MTUS2: variants seen among roughly 807,000 people sequenced by gnomAD.
The protein encoded by MTUS2 is microtubule-associated tumor suppressor candidate 2.
MTUS2 carries 40 observed loss-of-function variants against 114.1 expected under a neutral mutation model. That is an observed-to-expected ratio of 0.35 (90% CI 0.27 to 0.46). MTUS2 has a LOEUF of 0.46. Ranked by LOEUF, MTUS2 falls within the 20% of genes least tolerant of loss-of-function variation. MTUS2 has a pLI of 1.00. For synonymous variants in MTUS2, 688 were observed against 672.0 expected, an observed-to-expected ratio of 1.02 and a Z score of -0.37; for missense variants, 1,679 against 1,705.4, an observed-to-expected ratio of 0.98 and a Z score of 0.27.
At chr13:29,021,960 A>G (rs1292605631) in intron 2 of MTUS2, among the ~76,000 whole-genome samples, 2 of 152,122 alleles carry the variant, frequency 1.3e-5, no homozygotes, top group Admixed American at 6.6e-5. Context: ...TAGAAGATGG[A>G]GAAGGAGAAA....
chr13:29,129,047 T>C (rs1341782074), intron 5 of MTUS2, among the ~76,000 whole-genome samples: 1 of 152,262 alleles, frequency 6.6e-6, no homozygotes. Flanking sequence ...AGAACATTTC[T>C]TTAGATTTCT....
chr13:29,255,519 A>G (rs898456212), intron 5 of MTUS2, among the ~76,000 whole-genome samples: 2 of 152,112 alleles, frequency 1.3e-5, no homozygotes, highest in Non-Finnish European at 2.9e-5. Context: ...AAATAAAATC[A>G]AAGACTAAGT....
intron 10 of MTUS2, among the ~76,000 whole-genome samples, chr13:29,481,232 G>A (rs893318474): frequency 1.1e-4 from 17 of 152,174 alleles, no homozygotes; most frequent in African/African-American, 4.1e-4. Flanking sequence ...ACTAACCAGA[G>A]GATAATTCCC....
At chr13:29,428,619 C>CCCCCCAA in intron 8 of MTUS2, 1 of 477,888 alleles carries the variant, frequency 2.1e-6, no homozygotes, top group Non-Finnish European at 2.9e-6. Flanking sequence ...CTCCCTCCCG[C>CCCCCCAA]AGCAGCAAGA....
intron 5 of MTUS2, among the ~76,000 whole-genome samples, chr13:29,165,346 A>T (rs927446520): frequency 1.3e-5 from 2 of 152,056 alleles, no homozygotes; most frequent in East Asian, 3.9e-4. Context: ...ATCTCACCAC[A>T]CGTAACACCC....
intron 5 of MTUS2, among the ~76,000 whole-genome samples, chr13:29,121,380 G>A (rs1891298898): frequency 6.6e-6 from 1 of 151,862 alleles, no homozygotes; most frequent in South Asian, 2.1e-4. Flanking sequence ...ACTTTATATT[G>A]CTTAAGAAAA....
At chr13:29,374,210 T>A (rs377666696) in intron 8 of MTUS2, among the ~76,000 whole-genome samples, 2,323 of 148,396 alleles carry the variant, frequency 0.016, 64 homozygotes, top group African/African-American at 0.054. Context: ...CAGACAATTT[T>A]AAAAAGGTCT....
chr13:28,922,875 G>A (rs1052474963), intron 2 of MTUS2, among the ~76,000 whole-genome samples: 2 of 152,142 alleles, frequency 1.3e-5, no homozygotes, highest in Admixed American at 6.5e-5. Flanking sequence ...GGAACAAATC[G>A]TGTAGACTTC....
At chr13:29,389,563 A>G (rs1192691378) in intron 8 of MTUS2, among the ~76,000 whole-genome samples, 1 of 53,506 alleles carries the variant, frequency 1.9e-5, no homozygotes, top group African/African-American at 6.5e-5. Context: ...ACGTGTGTAT[A>G]TGTGTACATA....
At chr13:29,127,643 G>T (rs1891576469) in intron 5 of MTUS2, among the ~76,000 whole-genome samples, 1 of 152,156 alleles carries the variant, frequency 6.6e-6, no homozygotes, top group Non-Finnish European at 1.5e-5. Flanking sequence ...TGAAATCTCT[G>T]TGCATGTGTG....
At chr13:29,469,953 G>A (rs966660865) in intron 9 of MTUS2, among the ~76,000 whole-genome samples, 2 of 152,148 alleles carry the variant, frequency 1.3e-5, no homozygotes, top group Non-Finnish European at 2.9e-5. Flanking sequence ...TGTTCTCAAA[G>A]TTTGGCTCAC....
At chr13:29,335,393 C>T (rs977124403) in intron 7 of MTUS2, among the ~76,000 whole-genome samples, 5 of 152,106 alleles carry the variant, frequency 3.3e-5, no homozygotes, top group African/African-American at 4.8e-5. Flanking sequence ...AATGTGTGCC[C>T]GAAACTTCAT....
At chr13:29,136,367 A>G (rs1891977355) in intron 5 of MTUS2, among the ~76,000 whole-genome samples, 1 of 152,212 alleles carries the variant, frequency 6.6e-6, no homozygotes, top group African/African-American at 2.4e-5. Flanking sequence ...CTCCTGAGCG[A>G]TAAGAGGGTC....
chr13:29,227,151 C>G lies in MTUS2; in HGVS notation c.2645-54553C>G, dbSNP rs545910119. On this transcript the variant is annotated intron_variant, in intron 5 of 15. Coordinates refer to ENST00000612955, the MANE Select transcript of MTUS2 (RefSeq NM_001033602.4). ...GTGTGTGCCTGTAATACGAGCTACT[C>G]GGGAGGCTGGGGTAGGAGAATCACT... Among the ~76,000 whole-genome samples the G allele has an allele frequency of 2.7e-5, 4 of 148,350 alleles. No homozygotes were observed. In the East Asian group the frequency reaches 8.1e-4, roughly 30 times the overall value.
At chr13:28,967,096 A>G (rs1000708840) in intron 2 of MTUS2, among the ~76,000 whole-genome samples, 2 of 152,208 alleles carry the variant, frequency 1.3e-5, no homozygotes, top group African/African-American at 4.8e-5. Context: ...CAGGCACTAT[A>G]CTTGCAATGT....
intron 2 of MTUS2, among the ~76,000 whole-genome samples, chr13:28,997,371 T>A (rs1885161727): frequency 6.6e-6 from 1 of 152,188 alleles, no homozygotes; most frequent in African/African-American, 2.4e-5. Flanking sequence ...ATTCTGTTGA[T>A]TTGGGGTGGA....
chr13:29,199,369 T>C (rs1384044345), intron 5 of MTUS2, among the ~76,000 whole-genome samples: 2 of 152,252 alleles, frequency 1.3e-5, no homozygotes, highest in African/African-American at 4.8e-5. Flanking sequence ...GTTCCATAAA[T>C]ACTTAGTTTA....
intron 5 of MTUS2, among the ~76,000 whole-genome samples, chr13:29,138,890 A>G (rs1228106052): frequency 1.3e-5 from 2 of 152,176 alleles, no homozygotes; most frequent in Non-Finnish European, 2.9e-5. Flanking sequence ...TTAATAAGGT[A>G]TTATTATAGT....
At chr13:28,870,118 A>G (rs1472510245) in intron 2 of MTUS2, among the ~76,000 whole-genome samples, 2 of 152,198 alleles carry the variant, frequency 1.3e-5, no homozygotes, top group South Asian at 2.1e-4. Flanking sequence ...TTGTTCCTTT[A>G]TACTGGGAAC....
Sources: gnomAD v4.1 joint callset for allele counts (sites outside exome capture counted in the v4.1 genomes callset) on GRCh38, gnomAD v4.1.1 for gene constraint, MANE v1.5 for transcripts, NCBI Gene and HGNC (gene_info 2026-07-23, HGNC 2026-07-21) for gene names.